Variants in PTPRM observed in about 807,000 individuals in gnomAD.
PTPRM encodes the protein protein tyrosine phosphatase receptor type M, also known as receptor-type tyrosine-protein phosphatase mu.
PTPRM carries 47 observed loss-of-function variants against 186.7 expected under a neutral mutation model. The ratio of observed to expected loss-of-function variants is 0.25; its 90% CI spans 0.20 to 0.32. PTPRM has a LOEUF of 0.32. Among genes scored for constraint, PTPRM ranks in the 10% least tolerant of loss-of-function variants. The pLI is 1.00. For missense variants in PTPRM, 1,494 were observed against 1,865.0 expected (o/e 0.80, Z 3.66); for synonymous variants, 668 against 674.9 (o/e 0.99, Z 0.16).
At chr18:7,765,230 A>G (rs1423650722) in intron 1 of PTPRM, among the ~76,000 whole-genome samples, 2 of 152,228 alleles carry the variant, frequency 1.3e-5, no homozygotes, top group Non-Finnish European at 2.9e-5. Flanking sequence ...ACTGTAATAA[A>G]TCATAGAAAC....
intron 8 of PTPRM, among the ~76,000 whole-genome samples, chr18:8,072,350 A>G (rs1022112246): frequency 6.6e-6 from 1 of 152,216 alleles, no homozygotes; most frequent in Non-Finnish European, 1.5e-5. Flanking sequence ...ATTCTGTTAA[A>G]TTCCATCAAA....
intron 14 of PTPRM, 42 bp from the exon 15 acceptor site, chr18:8,244,016 C>A: frequency 6.4e-7 from 1 of 1,571,450 alleles, no homozygotes; most frequent in Non-Finnish European, 8.7e-7. Flanking sequence ...CTCTGTATCC[C>A]GTTCAAATGC....
chr18:8,276,124 C>T (rs575919876), intron 19 of PTPRM, among the ~76,000 whole-genome samples: 21 of 152,172 alleles, frequency 1.4e-4, no homozygotes, highest in African/African-American at 4.1e-4. Context: ...AGGACCAGCT[C>T]AACTCCTGCC....
At chr18:8,101,669 A>G (rs2091295786) in intron 11 of PTPRM, among the ~76,000 whole-genome samples, 1 of 152,222 alleles carries the variant, frequency 6.6e-6, no homozygotes, top group Non-Finnish European at 1.5e-5. Flanking sequence ...ACTGAGGTTC[A>G]GGGAGGTTAA....
chr18:7,755,609 T>C (rs903829869), intron 1 of PTPRM, among the ~76,000 whole-genome samples: 2 of 152,226 alleles, frequency 1.3e-5, no homozygotes, highest in African/African-American at 4.8e-5. Context: ...TTTTAAACTG[T>C]CTAGAAATAA....
intron 1 of PTPRM, among the ~76,000 whole-genome samples, chr18:7,705,271 ATATCTATTTATC>A (rs1203408567): frequency 7.6e-5 from 11 of 145,614 alleles, no homozygotes; most frequent in East Asian, 4.1e-4. Context: ...ATATTTGAAA[ATATCTATTTATC>A]TATCTATCTA....
intron 22 of PTPRM, among the ~76,000 whole-genome samples, chr18:8,334,489 C>T (rs936389584): frequency 4.6e-5 from 7 of 152,218 alleles, no homozygotes; most frequent in South Asian, 4.1e-4. Flanking sequence ...CCCCCAGGCT[C>T]TCCCTGTGCT....
intron 7 of PTPRM, among the ~76,000 whole-genome samples, chr18:8,040,759 C>T (rs1024032843): frequency 4.6e-5 from 7 of 152,158 alleles, no homozygotes; most frequent in African/African-American, 1.7e-4. Flanking sequence ...GTTTATTTCA[C>T]CAGTTTATCT....
chr18:7,887,003 T>C (rs2048821172), intron 2 of PTPRM, among the ~76,000 whole-genome samples: 1 of 152,188 alleles, frequency 6.6e-6, no homozygotes, highest in Non-Finnish European at 1.5e-5. Flanking sequence ...ACTGATAATG[T>C]GTGGGTAGAC....
At chr18:7,887,378 G>A (rs189869058) in intron 2 of PTPRM, among the ~76,000 whole-genome samples, 26 of 152,256 alleles carry the variant, frequency 1.7e-4, no homozygotes, top group East Asian at 5.8e-4. Context: ...TAGAATGATC[G>A]TCCTTCAGTT....
intron 7 of PTPRM, among the ~76,000 whole-genome samples, chr18:8,034,195 ACTTAT>A (rs2086181255): frequency 6.6e-6 from 1 of 151,668 alleles, no homozygotes; most frequent in South Asian, 2.1e-4. Flanking sequence ...TGAGACACAG[ACTTAT>A]CTTTTGGGGA....
At chr18:7,979,211 C>T (rs563577778) in intron 7 of PTPRM, among the ~76,000 whole-genome samples, 43 of 152,320 alleles carry the variant, frequency 2.8e-4, no homozygotes, top group African/African-American at 9.9e-4. Context: ...CCACCTTTGT[C>T]TGACCCTGTC....
intron 2 of PTPRM, among the ~76,000 whole-genome samples, chr18:7,863,167 T>C (rs1405926475): frequency 6.6e-6 from 1 of 152,126 alleles, no homozygotes; most frequent in African/African-American, 2.4e-5. Flanking sequence ...TTCATGTGCG[T>C]AGGTGAATGG....
chr18:8,020,830 G>A (rs575018313), intron 7 of PTPRM, among the ~76,000 whole-genome samples: 8 of 152,254 alleles, frequency 5.3e-5, no homozygotes, highest in African/African-American at 1.9e-4. Context: ...TCGTTTCTGT[G>A]CAGCAGAGGC....
At position 8,339,330 on chromosome 18, in the gene PTPRM, T is replaced by C. The variant is rs147023704; in HGVS notation, c.2957-4093T>C. Reference sequence around the variant, plus strand: ...TATTACTGGCCTGATATTATAGAAATTTCTAGATGTTACCTTTCAGATTTC... The same window carrying C: ...TATTACTGGCCTGATATTATAGAAACTTCTAGATGTTACCTTTCAGATTTC... On this transcript the variant is annotated intron_variant, in intron 22 of 32. Transcript: ENST00000580170. Among the ~76,000 whole-genome samples the C allele has an allele frequency of 1.6e-4, 24 of 152,178 alleles. No individual in the cohort carries two copies. In the East Asian group the frequency reaches 3.7e-3, roughly 23 times the overall value.
chr18:7,665,835 T>A (rs1248836417), intron 1 of PTPRM, among the ~76,000 whole-genome samples: 1 of 151,934 alleles, frequency 6.6e-6, no homozygotes, highest in Non-Finnish European at 1.5e-5. Flanking sequence ...GGCAGGAGAA[T>A]CGCTTGAACC....
intron 7 of PTPRM, among the ~76,000 whole-genome samples, chr18:8,068,114 A>G (rs925811660): frequency 1.3e-5 from 2 of 152,188 alleles, no homozygotes; most frequent in Middle Eastern, 3.2e-3. Flanking sequence ...CACAATTTTT[A>G]TGTCTATATA....
intron 14 of PTPRM, among the ~76,000 whole-genome samples, chr18:8,233,219 C>A (rs1041215213): frequency 6.6e-6 from 1 of 152,228 alleles, no homozygotes; most frequent in Non-Finnish European, 1.5e-5. Flanking sequence ...GGATTACAGG[C>A]GTAAGCCACT....
intron 21 of PTPRM, among the ~76,000 whole-genome samples, chr18:8,316,752 G>A (rs185160475): frequency 2.7e-4 from 41 of 152,290 alleles, no homozygotes; most frequent in Admixed American, 7.8e-4. Context: ...AACTAAAGCC[G>A]TAAAGGGGGA....
Sources: gnomAD v4.1 joint callset for allele counts (sites outside exome capture counted in the v4.1 genomes callset) on GRCh38, gnomAD v4.1.1 for gene constraint, MANE v1.5 for transcripts, NCBI Gene and HGNC (gene_info 2026-07-23, HGNC 2026-07-21) for gene names.